Variants in AGMO observed in about 807,000 individuals in gnomAD.
AGMO encodes alkylglycerol monooxygenase, also known as glyceryl-ether monooxygenase.
Under a neutral mutation model 60.2 loss-of-function variants are expected in AGMO, and 75 were observed. That is an observed-to-expected ratio of 1.25 (90% CI 1.03 to 1.51). The LOEUF (loss-of-function observed/expected upper bound fraction) is 1.51, where lower values mean the gene tolerates loss of function less well. AGMO is among the 40% of genes most tolerant of loss of function. The pLI is 0.00. For synonymous variants in AGMO, 261 were observed against 177.1 expected (o/e 1.47, Z -3.76); for missense variants, 763 against 525.5 (o/e 1.45, Z -4.42).
At chr7:15,187,595 C>T in the AGMO span, among the ~76,000 whole-genome samples, 1 of 152,120 alleles carries the variant, frequency 6.6e-6, no homozygotes, top group South Asian at 2.1e-4. Context: ...CTCTCCGGTA[C>T]CACCCCTTCC....
intron 12 of AGMO, among the ~76,000 whole-genome samples, chr7:15,247,355 TA>T (rs1281256975): frequency 2.0e-5 from 3 of 150,532 alleles, no homozygotes; most frequent in Non-Finnish European, 4.4e-5. Context: ...TAAAATATGA[TA>T]AAACAAGGAT....
At chr7:15,514,035 T>C (rs1285810636) in intron 3 of AGMO, among the ~76,000 whole-genome samples, 1 of 152,174 alleles carries the variant, frequency 6.6e-6, no homozygotes, top group African/African-American at 2.4e-5. Flanking sequence ...CTCTCAAAGC[T>C]TTTAATACCA....
chr7:15,385,314 G>A, intron 10 of AGMO, 132 bp downstream of exon 10: 1 of 591,026 alleles, frequency 1.7e-6, no homozygotes, highest in Non-Finnish European at 2.9e-6. Context: ...CTATTTAAAT[G>A]TGAGACGTTG....
chr7:15,392,219 G>A (rs1784171950), intron 6 of AGMO, among the ~76,000 whole-genome samples: 1 of 151,798 alleles, frequency 6.6e-6, no homozygotes, highest in South Asian at 2.1e-4. Context: ...GCAGGTGCCG[G>A]CCACTATACC....
In AGMO at chr7:15,555,138, T is replaced by TA. The variant is rs566055036; in HGVS notation, c.257+5002dup. Reference sequence around the variant, plus strand: ...CTGATTTGGCCAGATTATACAAAACTAAAAAAAAATTAGATATTTTTATTT... The same window carrying TA: ...CTGATTTGGCCAGATTATACAAAACTAAAAAAAAAATTAGATATTTTTATTT... On this transcript the variant is annotated intron_variant, in intron 2 of 12. Coordinates refer to ENST00000342526, the MANE Select transcript of AGMO (RefSeq NM_001004320.2). Among the ~76,000 whole-genome samples the TA allele has an allele frequency of 7.7e-3, 1,152 of 150,008 alleles. 12 individuals are homozygous for TA. Among genetic ancestry groups the TA allele is most frequent in the African/African-American group, 0.027 (1,094 of 40,948 alleles).
At chr7:15,380,420 GA>G (rs1583481707) in intron 10 of AGMO, among the ~76,000 whole-genome samples, 1 of 151,894 alleles carries the variant, frequency 6.6e-6, no homozygotes, top group East Asian at 1.9e-4. Context: ...ATTGCCACAA[GA>G]ATAATAAAAT....
the AGMO span, among the ~76,000 whole-genome samples, chr7:15,129,352 T>C: frequency 1.3e-5 from 2 of 149,790 alleles, no homozygotes; most frequent in Non-Finnish European, 3.0e-5. Context: ...TTCTACCATG[T>C]AGTTTACCAA....
chr7:15,430,157 C>A (rs1333182833), intron 4 of AGMO, among the ~76,000 whole-genome samples: 1 of 151,822 alleles, frequency 6.6e-6, no homozygotes, highest in African/African-American at 2.4e-5. Context: ...GCACATAGTA[C>A]GTACTTATTA....
intron 4 of AGMO, among the ~76,000 whole-genome samples, chr7:15,427,879 A>G (rs569992025): frequency 2.0e-5 from 3 of 151,998 alleles, no homozygotes; most frequent in Admixed American, 6.6e-5. Flanking sequence ...AAATTGGCTT[A>G]AAATGCAAAT....
intron 12 of AGMO, among the ~76,000 whole-genome samples, chr7:15,219,523 TTC>T (rs1457061493): frequency 1.3e-5 from 2 of 151,938 alleles, no homozygotes; most frequent in Non-Finnish European, 2.9e-5. Flanking sequence ...TTAAGAGACA[TTC>T]TGAGAGGTCT....
chr7:15,189,819 C>T, the AGMO span, among the ~76,000 whole-genome samples: 1 of 149,178 alleles, frequency 6.7e-6, no homozygotes, highest in African/African-American at 2.5e-5. Context: ...TTACAGTTTT[C>T]AGAAATGTAA....
intron 12 of AGMO, among the ~76,000 whole-genome samples, chr7:15,258,866 G>T (rs1034037672): frequency 1.3e-5 from 2 of 152,096 alleles, no homozygotes; most frequent in Admixed American, 6.5e-5. Flanking sequence ...TATTCCTTAG[G>T]GGAAGGAGGA....
chr7:15,222,025 G>A (rs1046674368), intron 12 of AGMO, among the ~76,000 whole-genome samples: 1 of 152,068 alleles, frequency 6.6e-6, no homozygotes, highest in Non-Finnish European at 1.5e-5. Flanking sequence ...TCAGTTTGGA[G>A]AGTAAAACTT....
chr7:15,297,005 A>G (rs536900749), intron 12 of AGMO, among the ~76,000 whole-genome samples: 1 of 152,238 alleles, frequency 6.6e-6, no homozygotes, highest in African/African-American at 2.4e-5. Flanking sequence ...GTATAATATT[A>G]CGGCTATTCA....
the AGMO span, among the ~76,000 whole-genome samples, chr7:15,171,106 C>T: frequency 2.8e-4 from 43 of 152,174 alleles, no homozygotes; most frequent in Middle Eastern, 6.8e-3. Flanking sequence ...CTTAGCCTCC[C>T]GAGTAGCTGG....
chr7:15,512,266 T>G (rs994013697), intron 3 of AGMO, among the ~76,000 whole-genome samples: 3 of 152,176 alleles, frequency 2.0e-5, no homozygotes, highest in Non-Finnish European at 2.9e-5. Flanking sequence ...TTTATTATTA[T>G]CATTATTTAG....
chr7:15,542,099 G>A (rs1182749912), intron 3 of AGMO, among the ~76,000 whole-genome samples: 1 of 151,938 alleles, frequency 6.6e-6, no homozygotes, highest in Non-Finnish European at 1.5e-5. Flanking sequence ...TTAGCCCTGT[G>A]TGTGTCTTGA....
At chr7:15,301,625 T>C (rs1272850505) in intron 12 of AGMO, among the ~76,000 whole-genome samples, 1 of 152,096 alleles carries the variant, frequency 6.6e-6, no homozygotes, top group Non-Finnish European at 1.5e-5. Context: ...ATAGGAATGC[T>C]AAAAGGCTGA....
At chr7:15,365,877 T>C (rs1782956162) in intron 11 of AGMO, among the ~76,000 whole-genome samples, 1 of 152,042 alleles carries the variant, frequency 6.6e-6, no homozygotes, top group Non-Finnish European at 1.5e-5. Context: ...CTAATAAATA[T>C]TAGGCAACTA....
Sources: gnomAD v4.1 joint callset for allele counts (sites outside exome capture counted in the v4.1 genomes callset) on GRCh38, gnomAD v4.1.1 for gene constraint, MANE v1.5 for transcripts, NCBI Gene and HGNC (gene_info 2026-07-23, HGNC 2026-07-21) for gene names.